Variants in REEP3 observed in about 807,000 individuals in gnomAD.
REEP3 encodes receptor expression-enhancing protein 3.
Under a neutral mutation model 41.3 loss-of-function variants are expected in REEP3, and 20 were observed. That is an observed-to-expected ratio of 0.48 (90% CI 0.34 to 0.70). The LOEUF (loss-of-function observed/expected upper bound fraction) is 0.70, where lower values mean the gene tolerates loss of function less well. Ranked by LOEUF, REEP3 falls within the 30% of genes least tolerant of loss-of-function variation. The probability of loss-of-function intolerance (pLI) is 0.01; values close to 1 mark genes in which losing one functional copy is unlikely to be tolerated. For missense variants in REEP3, 271 were observed against 308.8 expected, an observed-to-expected ratio of 0.88 and a Z score of 0.92; for synonymous variants, 104 against 101.8, an observed-to-expected ratio of 1.02 and a Z score of -0.13.
chr10:63,568,433 A>AT (rs975032446), intron 2 of REEP3, among the ~76,000 whole-genome samples: 4 of 151,516 alleles, frequency 2.6e-5, no homozygotes, highest in Non-Finnish European at 5.9e-5. Flanking sequence ...CGCCCTGCTA[A>AT]TTTTTTTGTA....
chr10:63,557,078 T>C (rs1417269504), intron 1 of REEP3, among the ~76,000 whole-genome samples: 2 of 152,210 alleles, frequency 1.3e-5, no homozygotes, highest in Non-Finnish European at 2.9e-5. Flanking sequence ...ATAGTTTCCC[T>C]TGGCTAAAAC....
chr10:63,595,278 G>A (rs1326994670), intron 3 of REEP3, among the ~76,000 whole-genome samples: 2 of 152,202 alleles, frequency 1.3e-5, no homozygotes, highest in East Asian at 3.9e-4. Flanking sequence ...GAAAACGTCA[G>A]CACCCACGTG....
At chr10:63,557,857 T>C (rs1237841945) in intron 1 of REEP3, among the ~76,000 whole-genome samples, 2 of 152,218 alleles carry the variant, frequency 1.3e-5, no homozygotes, top group Non-Finnish European at 2.9e-5. Flanking sequence ...GTTGATATAG[T>C]AGAACAACAG....
chr10:63,604,205 G>A (rs1746207475), intron 5 of REEP3, among the ~76,000 whole-genome samples: 2 of 152,168 alleles, frequency 1.3e-5, no homozygotes, highest in South Asian at 4.1e-4. Context: ...TTCTGAAAAT[G>A]TTACTCAGTT....
chr10:63,584,958 A>ATCAT (rs1955991235), intron 2 of REEP3, among the ~76,000 whole-genome samples: 1 of 152,344 alleles, frequency 6.6e-6, no homozygotes, highest in South Asian at 2.1e-4. Context: ...TTTTAAGTGA[A>ATCAT]TCATTAGGCA....
intron 2 of REEP3, among the ~76,000 whole-genome samples, chr10:63,577,278 C>G (rs1955906424): frequency 1.3e-5 from 2 of 152,162 alleles, no homozygotes; most frequent in Admixed American, 1.3e-4. Context: ...TCCAGAAACC[C>G]TCTGATTCAC....
Position 63,598,158 on chromosome 10 carries a change from A to C in REEP3, c.303+14A>C. 6.4e-7 allele frequency: 1 copy of C among 1,551,020 alleles called. No homozygotes were observed. The highest frequency in any genetic ancestry group is 8.8e-7 in the Non-Finnish European group (1 of 1,132,524). ...TCAAAGGAAAGGGTAAGATATATAA[A>C]TTACTTCCGTAAATAATTTTTTAGA... On this transcript the variant is annotated intron_variant, in intron 4 of 7. Coordinates refer to ENST00000373758, the MANE Select transcript of REEP3 (RefSeq NM_001001330.3).
At chr10:63,593,210 A>T (rs969769052) in intron 2 of REEP3, among the ~76,000 whole-genome samples, 3 of 152,230 alleles carry the variant, frequency 2.0e-5, no homozygotes, top group Non-Finnish European at 4.4e-5. Flanking sequence ...CCTGCGAAAT[A>T]CCCAAACAAG....
rs564328543 is a variant in REEP3, at chr10:63,583,017, G to A, written c.106-11761G>A. ...CTTTTTTGTTTTGAGATGGAGTCTCGCTCTGCCACCCAGGCTGGAGTGCAG... is the reference window on the plus strand; with the variant it reads ...CTTTTTTGTTTTGAGATGGAGTCTCACTCTGCCACCCAGGCTGGAGTGCAG... On this transcript the variant is annotated intron_variant, in intron 2 of 7. Transcript: ENST00000373758. Among the ~76,000 whole-genome samples the A allele has an allele frequency of 2.6e-5, 4 of 151,838 alleles. No individual in the cohort carries two copies. In the South Asian group the frequency reaches 8.3e-4, roughly 32 times the overall value.
chr10:63,532,495 T>C (rs1955431705), intron 1 of REEP3, among the ~76,000 whole-genome samples: 1 of 151,996 alleles, frequency 6.6e-6, no homozygotes, highest in South Asian at 2.1e-4. Flanking sequence ...ACCCTGTCTC[T>C]ACTAAAAATA....
chr10:63,620,600 G>C (rs1017653002), intron 7 of REEP3, among the ~76,000 whole-genome samples: 9 of 152,040 alleles, frequency 5.9e-5, no homozygotes, highest in Non-Finnish European at 5.9e-5. Flanking sequence ...ATGTTTTTAT[G>C]TTATTAGTAA....
At chr10:63,543,926 A>G (rs940387434) in intron 1 of REEP3, among the ~76,000 whole-genome samples, 2 of 152,228 alleles carry the variant, frequency 1.3e-5, no homozygotes, top group Non-Finnish European at 1.5e-5. Flanking sequence ...TTACGTTTTT[A>G]GAGAAAAGCA....
At chr10:63,532,486 C>G (rs1955431541) in intron 1 of REEP3, among the ~76,000 whole-genome samples, 1 of 151,990 alleles carries the variant, frequency 6.6e-6, no homozygotes. Context: ...CACGGTGAAA[C>G]CCTGTCTCTA....
At chr10:63,544,833 T>C (rs1955562376) in intron 1 of REEP3, among the ~76,000 whole-genome samples, 4 of 152,166 alleles carry the variant, frequency 2.6e-5, no homozygotes, top group Admixed American at 2.6e-4. Flanking sequence ...TGGAAAAAAA[T>C]ACCCTATGTT....
At chr10:63,570,986 G>C (rs1007042097) in intron 2 of REEP3, among the ~76,000 whole-genome samples, 2 of 152,130 alleles carry the variant, frequency 1.3e-5, no homozygotes, top group African/African-American at 4.8e-5. Flanking sequence ...ATGGTGGTGT[G>C]TGCCTGTAGT....
intron 1 of REEP3, among the ~76,000 whole-genome samples, chr10:63,539,746 C>T (rs1955511129): frequency 6.6e-6 from 1 of 152,114 alleles, no homozygotes; most frequent in Admixed American, 6.5e-5. Flanking sequence ...AAGTATTATA[C>T]CATATTTAAA....
chr10:63,573,103 A>G (rs977661469), intron 2 of REEP3, among the ~76,000 whole-genome samples: 2 of 152,188 alleles, frequency 1.3e-5, no homozygotes, highest in Non-Finnish European at 2.9e-5. Flanking sequence ...ACCCCCAACT[A>G]CTACCATTCC....
In REEP3 at chr10:63,606,263, T is replaced by TTTTTTTTCTTTCTTTTTC. The variant is rs142517247; in HGVS notation, c.418-3921_418-3920insTTTTCTTTCTTTTTCTTT. ...CAGCAGACTAGACTAGAACTTTTCT[T>TTTTTTTTCTTTCTTTTTC]TTTCTTTCTTTCTTTTTCTTTCTTT... On this transcript the variant is annotated intron_variant, in intron 5 of 7. Coordinates refer to ENST00000373758, the MANE Select transcript of REEP3 (RefSeq NM_001001330.3). The TTTTTTTTCTTTCTTTTTC allele has an allele frequency of 3.3e-5, 5 of 151,554 alleles. No homozygotes were observed. The East Asian group carries it at 9.8e-4, about 30-fold the overall frequency. 9.4% of individuals were successfully genotyped at this position (151,554 alleles called of 1,614,324 possible).
intron 1 of REEP3, among the ~76,000 whole-genome samples, chr10:63,532,478 C>G (rs1013772239): frequency 6.6e-6 from 1 of 151,856 alleles, no homozygotes; most frequent in Non-Finnish European, 1.5e-5. Flanking sequence ...CTGGCTAACA[C>G]GGTGAAACCC....
Sources: gnomAD v4.1 joint callset for allele counts (sites outside exome capture counted in the v4.1 genomes callset) on GRCh38, gnomAD v4.1.1 for gene constraint, MANE v1.5 for transcripts, NCBI Gene and HGNC (gene_info 2026-07-23, HGNC 2026-07-21) for gene names.